Variants in PTPRD observed in about 807,000 individuals in gnomAD.
PTPRD encodes the protein protein tyrosine phosphatase receptor type D.
In PTPRD, 34 loss-of-function variants were observed where a neutral mutation model predicts 214.5. The observed-to-expected ratio is 0.16, with a 90% CI of 0.12 to 0.21. The LOEUF (loss-of-function observed/expected upper bound fraction) is 0.21. PTPRD is among the 10% of genes least tolerant of loss of function. PTPRD has a pLI of 1.00. For synonymous variants in PTPRD, 1,128 were observed against 845.7 expected (o/e 1.33, Z -5.79); for missense variants, 2,545 against 2,398.7 (o/e 1.06, Z -1.27).
At chr9:8,996,905 G>T (rs2099399131) in intron 11 of PTPRD, among the ~76,000 whole-genome samples, 1 of 152,012 alleles carries the variant, frequency 6.6e-6, no homozygotes, top group South Asian at 2.1e-4. Flanking sequence ...TATCTTGATT[G>T]TGATATTGGT....
Position 9,780,495 on chromosome 9 carries a change from A to G in PTPRD, c.-367-13644T>C, listed in dbSNP as rs73641349. On this transcript the variant is annotated intron_variant, in intron 5 of 45. Coordinates refer to ENST00000381196, the MANE Select transcript of PTPRD (RefSeq NM_002839.4). Reference sequence around the variant, plus strand: ...AGATATATAGATAACAAATATGCATATGAAAAGATGCTGATCATATATCAT... The same window carrying G: ...AGATATATAGATAACAAATATGCATGTGAAAAGATGCTGATCATATATCAT... 7.4e-3 allele frequency among the ~76,000 whole-genome samples: 1,124 copies of G among 152,376 alleles called. 10 individuals carry two copies. The highest frequency in any genetic ancestry group is 0.026 in the African/African-American group (1,063 of 41,584).
intron 12 of PTPRD, among the ~76,000 whole-genome samples, chr9:8,696,715 T>C (rs2097917857): frequency 1.3e-5 from 2 of 152,210 alleles, no homozygotes; most frequent in South Asian, 4.1e-4. Flanking sequence ...CAGAGAGGAA[T>C]GCAGAAGCTA....
intron 11 of PTPRD, among the ~76,000 whole-genome samples, chr9:8,851,856 A>G (rs943202145): frequency 7.9e-5 from 12 of 152,208 alleles, no homozygotes; most frequent in Non-Finnish European, 1.3e-4. Context: ...AGTTCTTCCT[A>G]TAAGAACTGA....
chr9:9,413,585 A>T (rs1250902149), intron 8 of PTPRD, among the ~76,000 whole-genome samples: 16 of 152,176 alleles, frequency 1.1e-4, no homozygotes. Flanking sequence ...CCAAACTAGA[A>T]ATTATATAAA....
intron 7 of PTPRD, among the ~76,000 whole-genome samples, chr9:9,715,690 A>G (rs954661371): frequency 3.9e-5 from 6 of 152,180 alleles, no homozygotes; most frequent in Admixed American, 6.5e-5. Context: ...AAGAGAATGT[A>G]TTTGTTCCTA....
intron 4 of PTPRD, among the ~76,000 whole-genome samples, chr9:9,952,680 G>C (rs945248972): frequency 1.7e-4 from 26 of 152,020 alleles, no homozygotes. Flanking sequence ...CATTTTGCCA[G>C]GATAACTATT....
intron 35 of PTPRD, among the ~76,000 whole-genome samples, chr9:8,422,466 G>A (rs1156830644): frequency 6.6e-6 from 1 of 152,100 alleles, no homozygotes; most frequent in Non-Finnish European, 1.5e-5. Context: ...CTTAGAAAAT[G>A]TCATCTATTG....
intron 11 of PTPRD, among the ~76,000 whole-genome samples, chr9:8,915,136 T>C (rs2154264353): frequency 6.6e-6 from 1 of 152,270 alleles, no homozygotes; most frequent in South Asian, 2.1e-4. Context: ...GTCTCATATG[T>C]CATGCTCAGG....
At chr9:9,261,014 G>A (rs1202620832) in intron 9 of PTPRD, among the ~76,000 whole-genome samples, 2 of 151,792 alleles carry the variant, frequency 1.3e-5, no homozygotes, top group African/African-American at 4.8e-5. Flanking sequence ...CATTGGTACT[G>A]AAACTTATGT....
intron 5 of PTPRD, among the ~76,000 whole-genome samples, chr9:9,805,769 T>C (rs574795789): frequency 6.6e-6 from 1 of 152,274 alleles, no homozygotes; most frequent in Admixed American, 6.5e-5. Context: ...CAAACGTTTG[T>C]TTATCAGCGT....
At chr9:8,927,168 T>C (rs1232046440) in intron 11 of PTPRD, among the ~76,000 whole-genome samples, 1 of 152,192 alleles carries the variant, frequency 6.6e-6, no homozygotes, top group Non-Finnish European at 1.5e-5. Flanking sequence ...GTCCTACCTC[T>C]ACACCTTCTC....
At chr9:9,080,319 C>T (rs1485730607) in intron 10 of PTPRD, among the ~76,000 whole-genome samples, 2 of 151,930 alleles carry the variant, frequency 1.3e-5, no homozygotes, top group Non-Finnish European at 2.9e-5. Flanking sequence ...TTTTTAAATC[C>T]TTCAAAATAC....
chr9:9,137,501 C>A (rs1299313888), intron 10 of PTPRD, among the ~76,000 whole-genome samples: 1 of 152,048 alleles, frequency 6.6e-6, no homozygotes, highest in Non-Finnish European at 1.5e-5. Context: ...AGATATATAA[C>A]CCCCCTCTTA....
intron 3 of PTPRD, among the ~76,000 whole-genome samples, chr9:10,050,559 C>CAA (rs1164243746): frequency 0.013 from 176 of 13,992 alleles, 21 homozygotes; most frequent in Non-Finnish European, 0.018. Context: ...GAGTCTGTCT[C>CAA]AAAAAAAAAA....
Position 9,947,577 on chromosome 9 carries a change from A to T in PTPRD, c.-471-8967T>A, listed in dbSNP as rs1215768008. 3.8e-3 allele frequency among the ~76,000 whole-genome samples: 168 copies of T among 44,584 alleles called. 5 individuals carry two copies. Among genetic ancestry groups the T allele is most frequent in the Non-Finnish European group, 4.8e-3 (143 of 29,676 alleles). The allele number at this position is 44,584 out of a possible 152,430, so 29.2% of individuals were successfully genotyped here. ...TATATATATATTTTATATATATATTATATATATATTATATATATAATATAT... is the reference window on the plus strand; with the variant it reads ...TATATATATATTTTATATATATATTTTATATATATTATATATATAATATAT... On this transcript the variant is annotated intron_variant, in intron 4 of 45. Coordinates refer to ENST00000381196, the MANE Select transcript of PTPRD (RefSeq NM_002839.4).
At chr9:8,438,776 C>G (rs1480471575) in intron 34 of PTPRD, 1 of 152,108 alleles carries the variant, frequency 6.6e-6, no homozygotes, top group East Asian at 1.9e-4. Context: ...AGGGAGGACA[C>G]AGAGCCAATC....
At chr9:9,167,474 G>T (rs1392327627) in intron 10 of PTPRD, among the ~76,000 whole-genome samples, 1 of 151,924 alleles carries the variant, frequency 6.6e-6, no homozygotes, top group Non-Finnish European at 1.5e-5. Flanking sequence ...AATAAGGAGG[G>T]CTGGGCATGG....
intron 11 of PTPRD, among the ~76,000 whole-genome samples, chr9:8,919,995 G>GTA (rs550880706): frequency 1.5e-4 from 22 of 147,294 alleles, no homozygotes; most frequent in Admixed American, 6.1e-4. Context: ...ACAATCAGGA[G>GTA]TATATATATA....
At chr9:9,703,695 T>C (rs1252278198) in intron 7 of PTPRD, among the ~76,000 whole-genome samples, 1 of 152,192 alleles carries the variant, frequency 6.6e-6, no homozygotes, top group Admixed American at 6.5e-5. Context: ...GAAAATCTAT[T>C]TGTTAATAAG....
Sources: allele counts gnomAD v4.1 joint callset (sites outside exome capture counted in the v4.1 genomes callset), GRCh38; gene constraint gnomAD v4.1.1; transcripts MANE v1.5; gene names NCBI Gene and HGNC (gene_info 2026-07-23, HGNC 2026-07-21).